Variants in MSI1 observed in about 807,000 individuals in gnomAD.
MSI1 encodes musashi RNA binding protein 1.
In MSI1, 15 loss-of-function variants were observed where a neutral mutation model predicts 54.4. The observed-to-expected ratio is 0.28, with a 90% CI of 0.18 to 0.42. MSI1 has a LOEUF of 0.42. MSI1 is among the 20% of genes least tolerant of loss of function. The probability of loss-of-function intolerance (pLI) is 1.00; values close to 1 mark genes in which losing one functional copy is unlikely to be tolerated. For missense variants in MSI1, 304 were observed against 506.0 expected (o/e 0.60, Z 3.83); for synonymous variants, 200 against 196.5 (o/e 1.02, Z -0.15).
intron 12 of MSI1, 62 bp downstream of exon 12, chr12:120,347,384 C>T: frequency 9.4e-6 from 15 of 1,598,952 alleles, no homozygotes; most frequent in Non-Finnish European, 1.2e-5. Flanking sequence ...TTCTCCCCTC[C>T]CCTGGACTTC....
chr12:120,359,522 G>C (rs1282473681), intron 6 of MSI1, among the ~76,000 whole-genome samples: 1 of 152,194 alleles, frequency 6.6e-6, no homozygotes, highest in Non-Finnish European at 1.5e-5. Flanking sequence ...TCCGGCTACA[G>C]ATCTTTTCCT....
intron 12 of MSI1, 35 bp from the exon 13 acceptor site, chr12:120,346,357 G>A (rs907022375): frequency 3.4e-6 from 5 of 1,471,458 alleles, no homozygotes; most frequent in South Asian, 1.4e-5. Context: ...GATAGCCCTG[G>A]TGCCCTCTGC....
chr12:120,364,969 G>A (rs1484825232), intron 4 of MSI1, among the ~76,000 whole-genome samples: 2 of 152,102 alleles, frequency 1.3e-5, no homozygotes, highest in Non-Finnish European at 1.5e-5. Flanking sequence ...GGAGTGCAGT[G>A]GCACGATCTC....
chr12:120,340,089 CT>C (rs11399604), downstream of MSI1, among the ~76,000 whole-genome samples: 10,710 of 144,668 alleles, frequency 0.074, 501 homozygotes, highest in Admixed American at 0.16. Context: ...GCCAAAATAG[CT>C]TTTTTTTTTT....
At position 120,353,134 on chromosome 12, in the gene MSI1, G is replaced by A. The variant is rs11065091; in HGVS notation, c.733+165C>T. Among the ~76,000 whole-genome samples the A allele has an allele frequency of 6.6e-5, 10 of 151,712 alleles. No individual in the cohort carries two copies. In the East Asian group the frequency reaches 1.9e-3, roughly 30 times the overall value. On this transcript the variant is annotated intron_variant, in intron 10 of 14. Transcript: ENST00000257552. Reference sequence around the variant, plus strand: ...TCCCCAGCTTCTGGGGAGGGGTTTGGGGGGGATGGGTGGGGAGAGGCCCTC... The same window carrying A: ...TCCCCAGCTTCTGGGGAGGGGTTTGAGGGGGATGGGTGGGGAGAGGCCCTC...
At chr12:120,358,120 T>C (rs1875298958) in intron 7 of MSI1, among the ~76,000 whole-genome samples, 1 of 152,202 alleles carries the variant, frequency 6.6e-6, no homozygotes, top group Non-Finnish European at 1.5e-5. Flanking sequence ...TGAAGTAACT[T>C]GCCCAAGGTC....
rs763013416 is a variant in MSI1, at chr12:120,368,324, C to CT, written c.101-52_101-51insA. ...CCAGCCCGGGCCCCGCGCCCTTCCC[C>CT]CCCCCCCGTCCTTTGCCCCCGGTGA... On this transcript the variant is annotated intron_variant, in intron 2 of 14. Transcript: ENST00000257552. The surrounding 1 kb of genome is among the most constrained non-coding windows in gnomAD (Gnocchi z 6.6). 1.4e-6 allele frequency: 2 copies of CT among 1,454,952 alleles called. No individual in the cohort carries two copies. The highest frequency in any genetic ancestry group is 2.6e-5 in the East Asian group (1 of 38,742). 90.1% of individuals were successfully genotyped at this position (1,454,952 alleles called of 1,614,324 possible).
In MSI1 at chr12:120,368,905, C is replaced by A. The variant is rs569872978; in HGVS notation, c.60-32G>T. On this transcript the variant is annotated intron_variant, in intron 1 of 14. Coordinates refer to ENST00000257552, the MANE Select transcript of MSI1 (RefSeq NM_002442.4). This position sits in a 1 kb window ranked among gnomAD's most constrained non-coding sequence, Gnocchi z 6.6. ...GAGGAGGAGAGACACAAAGGGCCCG[C>A]GTGAGCGCCGGGCGCCAGGGCGCAG... The A allele has an allele frequency of 2.2e-6, 3 of 1,374,888 alleles. No homozygotes were observed. Among genetic ancestry groups the A allele is most frequent in the East Asian group, 7.1e-5 (2 of 28,264 alleles). 85.2% of individuals were successfully genotyped at this position (1,374,888 alleles called of 1,614,324 possible).
At position 120,368,154 on chromosome 12, in the gene MSI1, G is replaced by A. The variant is rs1432626478; in HGVS notation, c.182+38C>T. 1 of 1,582,444 alleles carries A rather than the reference G, an allele frequency of 6.3e-7. No homozygotes were observed. Among genetic ancestry groups the A allele is most frequent in the East Asian group, 2.3e-5 (1 of 43,348 alleles). ...AGGCAGTGAGTGGCGGGTGGAGGGG[G>A]GCGAGCCGGGAGCAGGAGGAGGGGG... On this transcript the variant is annotated intron_variant, in intron 3 of 14. Coordinates refer to ENST00000257552, the MANE Select transcript of MSI1 (RefSeq NM_002442.4). The surrounding 1 kb of genome is among the most constrained non-coding windows in gnomAD (Gnocchi z 6.6).
chr12:120,341,329 C>A (rs1222411884), downstream of MSI1: 1 of 152,456 alleles, frequency 6.6e-6, no homozygotes, highest in African/African-American at 2.4e-5. Context: ...ACAAGCCCAG[C>A]AACGTTTTCA....
At chr12:120,345,726 T>C (rs1192111520) in intron 13 of MSI1, 94 bp from the exon 14 acceptor site, 1 of 1,439,502 alleles carries the variant, frequency 6.9e-7, no homozygotes, top group African/African-American at 1.4e-5. Context: ...AGTGAGGCGC[T>C]GACCTCTCTC....
rs1459962825 is a variant in MSI1 at position 120,345,683 on chromosome 12, C to T, written c.1048-51G>A. 4 of 1,603,152 alleles carry T rather than the reference C, an allele frequency of 2.5e-6. No individual in the cohort carries two copies. The African/African-American group carries it at 4.0e-5, about 16-fold the overall frequency. ...AGATTCCTGGGAAATAGAGGAAGATCAGGGGCTCCTTCTCTCTCTGCAGGA... is the reference window on the plus strand; with the variant it reads ...AGATTCCTGGGAAATAGAGGAAGATTAGGGGCTCCTTCTCTCTCTGCAGGA... On this transcript the variant is annotated intron_variant, in intron 13 of 14. Coordinates refer to ENST00000257552, the MANE Select transcript of MSI1 (RefSeq NM_002442.4).
At chr12:120,340,886 CTTTTTTTT>C (rs34926125), downstream of MSI1, among the ~76,000 whole-genome samples, 14 of 119,432 alleles carry the variant, frequency 1.2e-4, 1 homozygote, top group South Asian at 1.4e-3. Flanking sequence ...TTCTCCTATT[CTTTTTTTT>C]TTTTTTTTTT....
Position 120,358,413 on chromosome 12 carries a change from T to TAC in MSI1, c.452-517_452-516dup, listed in dbSNP as rs1203762505. 4.2e-3 allele frequency among the ~76,000 whole-genome samples: 632 copies of TAC among 150,160 alleles called. 6 individuals are homozygous for TAC. The highest frequency in any genetic ancestry group is 0.015 in the African/African-American group (603 of 40,844). On this transcript the variant is annotated intron_variant, in intron 7 of 14. Transcript: ENST00000257552. Reference sequence around the variant, plus strand: ...ATACCCCCTTTTGCACAGATACAAATACACACACACACAGAACACATACCC... The same window carrying TAC: ...ATACCCCCTTTTGCACAGATACAAATACACACACACACACAGAACACATACCC...
chr12:120,354,797 A>T (rs1369916941), intron 9 of MSI1, among the ~76,000 whole-genome samples: 2 of 152,178 alleles, frequency 1.3e-5, no homozygotes, highest in Non-Finnish European at 2.9e-5. Context: ...AAACTTTCTC[A>T]ATGTTCTAAA....
At chr12:120,356,384 G>T (rs1299565026) in intron 9 of MSI1, among the ~76,000 whole-genome samples, 1 of 151,918 alleles carries the variant, frequency 6.6e-6, no homozygotes, top group Non-Finnish European at 1.5e-5. Context: ...TACTCCACCC[G>T]CAGACTCAAC....
chr12:120,358,869 TA>T, intron 7 of MSI1, 135 bp downstream of exon 7: 1 of 1,027,130 alleles, frequency 9.7e-7, no homozygotes, highest in Non-Finnish European at 1.4e-6. Flanking sequence ...AAGCCTTCTG[TA>T]AGGCCAGGCC....
intron 9 of MSI1, among the ~76,000 whole-genome samples, chr12:120,354,374 C>G (rs775645729): frequency 4.6e-5 from 7 of 151,958 alleles, no homozygotes; most frequent in Non-Finnish European, 1.0e-4. Context: ...AAATTCAGAT[C>G]TGACGGGCTC....
At chr12:120,348,673 C>T (rs949142950) in intron 11 of MSI1, among the ~76,000 whole-genome samples, 1 of 151,758 alleles carries the variant, frequency 6.6e-6, no homozygotes, top group East Asian at 1.9e-4. Flanking sequence ...CACCTGAAGT[C>T]GGGAGTTCAA....
Sources: allele counts gnomAD v4.1 joint callset (sites outside exome capture counted in the v4.1 genomes callset), GRCh38; gene constraint gnomAD v4.1.1; non-coding constraint Gnocchi (gnomAD v3.1); transcripts MANE v1.5; gene names NCBI Gene and HGNC (gene_info 2026-07-23, HGNC 2026-07-21).